NRG3: variants seen among roughly 807,000 people sequenced by gnomAD.
NRG3 encodes pro-neuregulin-3, membrane-bound isoform.
A neutral mutation model predicts 66.9 loss-of-function variants in NRG3; 31 were observed. That is an observed-to-expected ratio of 0.46 (90% CI 0.35 to 0.63). NRG3 has a LOEUF of 0.63. NRG3 is among the 20% of genes least tolerant of loss of function. The probability of loss-of-function intolerance (pLI) is 0.00; values close to 1 mark genes in which losing one functional copy is unlikely to be tolerated. For synonymous variants in NRG3, 393 were observed against 359.4 expected, an observed-to-expected ratio of 1.09 and a Z score of -1.06; for missense variants, 910 against 878.9, an observed-to-expected ratio of 1.04 and a Z score of -0.45.
At chr10:82,816,425 G>A (rs1265577109) in intron 3 of NRG3, among the ~76,000 whole-genome samples, 1 of 152,282 alleles carries the variant, frequency 6.6e-6, no homozygotes, top group South Asian at 2.1e-4. Flanking sequence ...GACCCAAAGT[G>A]GGTAGCTACT....
intron 1 of NRG3, among the ~76,000 whole-genome samples, chr10:82,227,456 G>A (rs2076223121): frequency 2.0e-5 from 3 of 151,842 alleles, no homozygotes; most frequent in Non-Finnish European, 4.4e-5. Flanking sequence ...GTTTGATTAA[G>A]GGAAAAAACT....
intron 3 of NRG3, among the ~76,000 whole-genome samples, chr10:82,862,603 A>G (rs2135929995): frequency 1.3e-5 from 2 of 152,294 alleles, no homozygotes; most frequent in Middle Eastern, 3.4e-3. Flanking sequence ...CCTAGGGGCT[A>G]TCTCTGTCTT....
chr10:82,049,865 A>G (rs1201852364), intron 1 of NRG3, among the ~76,000 whole-genome samples: 2 of 152,088 alleles, frequency 1.3e-5, no homozygotes, highest in Non-Finnish European at 2.9e-5. Context: ...TAAAATCCAT[A>G]AAATTAAAAA....
intron 2 of NRG3, among the ~76,000 whole-genome samples, chr10:82,447,448 A>G (rs550111363): frequency 1.1e-4 from 16 of 152,206 alleles, no homozygotes; most frequent in African/African-American, 3.9e-4. Context: ...AAAAAAAATT[A>G]TCATTGAAAG....
intron 1 of NRG3, among the ~76,000 whole-genome samples, chr10:82,184,167 A>G (rs934645788): frequency 3.9e-5 from 6 of 152,158 alleles, no homozygotes; most frequent in African/African-American, 1.4e-4. Flanking sequence ...TATTTTTATA[A>G]TAATGCTAAG....
chr10:82,282,711 G>A (rs928075848), intron 1 of NRG3, among the ~76,000 whole-genome samples: 1 of 151,814 alleles, frequency 6.6e-6, no homozygotes, highest in African/African-American at 2.4e-5. Flanking sequence ...CATCCTCACT[G>A]TTAGGAACGA....
intron 2 of NRG3, among the ~76,000 whole-genome samples, chr10:82,657,039 C>A (rs1346408723): frequency 1.3e-5 from 2 of 152,070 alleles, no homozygotes; most frequent in African/African-American, 4.8e-5. Flanking sequence ...CCTACTTCCT[C>A]ACCTCTTTCA....
chr10:82,011,122 G>T (rs1241018934), intron 1 of NRG3, among the ~76,000 whole-genome samples: 1 of 152,128 alleles, frequency 6.6e-6, no homozygotes, highest in Admixed American at 6.6e-5. Context: ...ACCTGAGACT[G>T]GGTTATTTAT....
intron 2 of NRG3, among the ~76,000 whole-genome samples, chr10:82,552,184 T>G (rs971855309): frequency 1.3e-5 from 2 of 152,176 alleles, no homozygotes; most frequent in African/African-American, 4.8e-5. Flanking sequence ...TACATATTAG[T>G]TGAAATAATT....
intron 1 of NRG3, among the ~76,000 whole-genome samples, chr10:81,963,535 A>G (rs897142635): frequency 1.3e-5 from 2 of 152,210 alleles, no homozygotes; most frequent in Non-Finnish European, 2.9e-5. Flanking sequence ...CTAAACATAC[A>G]TACATGTATT....
chr10:82,144,105 G>A (rs187405406), intron 1 of NRG3, among the ~76,000 whole-genome samples: 1 of 151,146 alleles, frequency 6.6e-6, no homozygotes, highest in African/African-American at 2.4e-5. Flanking sequence ...TTGGTATTCA[G>A]TAAATATTCA....
rs200460500 is a variant in NRG3, at chr10:82,349,377, G to A, written c.824-9362G>A. On this transcript the variant is annotated intron_variant, in intron 1 of 8. Coordinates refer to ENST00000372141, the MANE Select transcript of NRG3 (RefSeq NM_001010848.4). Reference sequence around the variant, plus strand: ...GGGGTGCCTCCCAGTTAGGCTGCTCGGGGGTCAGGGGTCAGGGACCCACTT... The same window carrying A: ...GGGGTGCCTCCCAGTTAGGCTGCTCAGGGGTCAGGGGTCAGGGACCCACTT... Among the ~76,000 whole-genome samples the A allele has an allele frequency of 0.023, 3,428 of 151,506 alleles. 176 individuals carry two copies. The East Asian group carries it at 0.23, about 10-fold the overall frequency.
chr10:82,884,391 T>C (rs1441000738), intron 4 of NRG3, among the ~76,000 whole-genome samples: 1 of 152,192 alleles, frequency 6.6e-6, no homozygotes. Flanking sequence ...TTTTTGCATA[T>C]TGAGGAAATA....
intron 1 of NRG3, among the ~76,000 whole-genome samples, chr10:82,024,835 C>T (rs901727984): frequency 1.3e-5 from 2 of 152,064 alleles, no homozygotes; most frequent in Admixed American, 1.3e-4. Flanking sequence ...TACTTGTAGC[C>T]CTCCCAGTAT....
At chr10:82,633,156 AT>A (rs767206414) in intron 2 of NRG3, among the ~76,000 whole-genome samples, 2 of 152,176 alleles carry the variant, frequency 1.3e-5, no homozygotes, top group Non-Finnish European at 2.9e-5. Context: ...TTGGATGAAA[AT>A]TGTTTTCCAG....
At chr10:82,732,700 G>A (rs2057971220) in intron 2 of NRG3, among the ~76,000 whole-genome samples, 3 of 152,148 alleles carry the variant, frequency 2.0e-5, no homozygotes, top group African/African-American at 4.8e-5. Flanking sequence ...AATAAATCCA[G>A]GGGGTGGCTA....
In NRG3 at chr10:81,875,498, G is replaced by A. The variant is rs1324537291; in HGVS notation, c.158G>A (p.Arg53His). Residue 53 changes from arginine to histidine, a missense_variant, in exon 1 of 9, where the codon CGC becomes CAC. Coordinates refer to ENST00000372141, the MANE Select transcript of NRG3 (RefSeq NM_001010848.4). This position sits in a 1 kb window ranked among gnomAD's most constrained non-coding sequence, Gnocchi z 5.3. ...GCGGCCGAGCCCCCCCGGGAGTTAC[G>A]CTGTAGCGACTGCATCGTGTGGAAC... The part of the protein sequence containing the change: ...EGAAEPPREL[R>H]CSDCIVWNRQ... 1 of 1,595,042 alleles carries A rather than the reference G, an allele frequency of 6.3e-7. No homozygotes were observed. The highest frequency in any genetic ancestry group is 8.5e-7 in the Non-Finnish European group (1 of 1,170,396).
chr10:82,938,396 G>T (rs1848278555), intron 4 of NRG3, among the ~76,000 whole-genome samples: 1 of 152,190 alleles, frequency 6.6e-6, no homozygotes, highest in Admixed American at 6.5e-5. Flanking sequence ...GAGAACCCCT[G>T]CCTGGAGTCC....
chr10:82,050,047 T>G (rs930813833), intron 1 of NRG3, among the ~76,000 whole-genome samples: 7 of 152,024 alleles, frequency 4.6e-5, no homozygotes, highest in African/African-American at 1.7e-4. Context: ...TCCTTTCCAG[T>G]GTTTTCTCTG....
Sources: gnomAD v4.1 joint callset for allele counts (sites outside exome capture counted in the v4.1 genomes callset) on GRCh38, gnomAD v4.1.1 for gene constraint, Gnocchi (gnomAD v3.1) non-coding constraint, MANE v1.5 for transcripts, NCBI Gene and HGNC (gene_info 2026-07-23, HGNC 2026-07-21) for gene names.